KCNMA1: variants seen among roughly 807,000 people sequenced by gnomAD.
The protein encoded by KCNMA1 is potassium calcium-activated channel subfamily M alpha 1.
A neutral mutation model predicts 140.0 loss-of-function variants in KCNMA1; 29 were observed. The ratio of observed to expected loss-of-function variants is 0.21; its 90% CI spans 0.15 to 0.28. The LOEUF (loss-of-function observed/expected upper bound fraction) is 0.28. Among genes scored for constraint, KCNMA1 ranks in the 10% least tolerant of loss-of-function variants. KCNMA1 has a pLI of 1.00. For missense variants in KCNMA1, 880 were observed against 1,602.2 expected, an observed-to-expected ratio of 0.55 and a Z score of 7.70; for synonymous variants, 612 against 611.9, an observed-to-expected ratio of 1.00 and a Z score of 0.00.
At chr10:76,990,316 T>G (rs3781153) in intron 19 of KCNMA1, among the ~76,000 whole-genome samples, 92,639 of 152,062 alleles carry the variant, frequency 0.61, 28,641 homozygotes, top group African/African-American at 0.66. Flanking sequence ...TCCAGAAAAT[T>G]CACAGATCTC....
intron 5 of KCNMA1, among the ~76,000 whole-genome samples, chr10:77,158,147 G>T (rs2098509841): frequency 1.3e-5 from 2 of 152,208 alleles, no homozygotes; most frequent in Non-Finnish European, 2.9e-5. Flanking sequence ...AACACTTTTA[G>T]GGAGAAGGAA....
intron 19 of KCNMA1, among the ~76,000 whole-genome samples, chr10:76,979,217 A>G (rs2078642836): frequency 7.2e-5 from 11 of 152,202 alleles, no homozygotes; most frequent in Admixed American, 7.2e-4. Flanking sequence ...CCTTGCAACA[A>G]ACACTTCCTC....
chr10:77,572,603 T>TATATATATATATATATATATATATAA (rs1491270036), intron 1 of KCNMA1, among the ~76,000 whole-genome samples: 3 of 98,666 alleles, frequency 3.0e-5, no homozygotes, highest in Non-Finnish European at 6.2e-5. Context: ...TATATATATA[T>TATATATATATATATATATATATATAA]AAATTAGCTG....
At position 77,462,534 on chromosome 10, in the gene KCNMA1, C is replaced by T. The variant is rs1309931204; in HGVS notation, c.379-58511G>A. On this transcript the variant is annotated intron_variant, in intron 1 of 27. Coordinates refer to ENST00000286628, the MANE Select transcript of KCNMA1 (RefSeq NM_001161352.2). ...ATGTGCTCACAGAGACCCTTATATA[C>T]CTATGCACACATGGATAAACACACA... Among the ~76,000 whole-genome samples the T allele has an allele frequency of 2.0e-5, 3 of 152,172 alleles. No homozygotes were observed. In the East Asian group the frequency reaches 5.8e-4, roughly 29 times the overall value.
intron 13 of KCNMA1, among the ~76,000 whole-genome samples, chr10:77,078,896 C>T (rs1394880848): frequency 6.6e-6 from 1 of 152,160 alleles, no homozygotes; most frequent in Non-Finnish European, 1.5e-5. Context: ...CCTCGGGTTC[C>T]AATAGACACT....
At chr10:76,898,768 C>T (rs2043743636) in intron 25 of KCNMA1, among the ~76,000 whole-genome samples, 1 of 151,362 alleles carries the variant, frequency 6.6e-6, no homozygotes, top group South Asian at 2.1e-4. Context: ...GAGGCCAATG[C>T]TATAGAGACA....
intron 24 of KCNMA1, chr10:76,912,164 C>T (rs185126652): frequency 6.6e-6 from 1 of 152,322 alleles, no homozygotes; most frequent in East Asian, 1.9e-4. Flanking sequence ...TTTCACAGAA[C>T]AGTAATTATG....
At chr10:77,515,022 C>T (rs906861555) in intron 1 of KCNMA1, among the ~76,000 whole-genome samples, 6 of 152,162 alleles carry the variant, frequency 3.9e-5, no homozygotes, top group Admixed American at 3.9e-4. Flanking sequence ...AGGGCTCTCA[C>T]CCGCTAGCTC....
downstream of KCNMA1, chr10:76,875,419 T>TA (rs2032197274): frequency 6.6e-6 from 1 of 151,972 alleles, no homozygotes; most frequent in Non-Finnish European, 1.5e-5. Context: ...ATGATTTTTT[T>TA]TAAAAAAAGT....
chr10:77,579,897 A>G (rs532431087), intron 1 of KCNMA1, among the ~76,000 whole-genome samples: 15 of 152,334 alleles, frequency 9.8e-5, no homozygotes, highest in African/African-American at 3.4e-4. Context: ...TGTTTCTTCC[A>G]TGAACAGCAA....
chr10:77,567,443 C>T (rs2068761759), intron 1 of KCNMA1, among the ~76,000 whole-genome samples: 1 of 152,188 alleles, frequency 6.6e-6, no homozygotes, highest in Admixed American at 6.5e-5. Context: ...AACTCTTGAG[C>T]AAATCCTAGC....
chr10:77,273,290 A>G (rs765230362), intron 2 of KCNMA1, among the ~76,000 whole-genome samples: 1 of 152,232 alleles, frequency 6.6e-6, no homozygotes, highest in Non-Finnish European at 1.5e-5. Context: ...ACAGGCAAAT[A>G]CAAGTTCAAT....
chr10:76,965,670 T>G (rs1191417096), intron 20 of KCNMA1, among the ~76,000 whole-genome samples: 1 of 152,180 alleles, frequency 6.6e-6, no homozygotes, highest in Non-Finnish European at 1.5e-5. Context: ...TCCCTATGTC[T>G]TCCATCATCC....
At chr10:77,284,774 A>G (rs509722) in intron 2 of KCNMA1, among the ~76,000 whole-genome samples, 71,155 of 151,944 alleles carry the variant, frequency 0.47, 17,997 homozygotes, top group Non-Finnish European at 0.57. Context: ...TTGGCCTCCC[A>G]AAGTGCTAGG....
At chr10:77,325,954 C>T (rs1395867176) in intron 2 of KCNMA1, among the ~76,000 whole-genome samples, 1 of 152,128 alleles carries the variant, frequency 6.6e-6, no homozygotes, top group African/African-American at 2.4e-5. Context: ...TTTGAGTTTA[C>T]CCTTTGCCCA....
At chr10:77,498,976 C>T (rs1039833369) in intron 1 of KCNMA1, 1 of 152,160 alleles carries the variant, frequency 6.6e-6, no homozygotes, top group African/African-American at 2.4e-5. Flanking sequence ...CATGCGTTTC[C>T]CCAATCTATA....
At chr10:77,341,257 A>G (rs2090854218) in intron 2 of KCNMA1, among the ~76,000 whole-genome samples, 1 of 152,258 alleles carries the variant, frequency 6.6e-6, no homozygotes, top group South Asian at 2.1e-4. Flanking sequence ...TGCCTGGCAC[A>G]TACTGTCTTC....
intron 23 of KCNMA1, among the ~76,000 whole-genome samples, chr10:76,931,746 G>A (rs960578874): frequency 2.6e-5 from 4 of 152,132 alleles, no homozygotes; most frequent in African/African-American, 9.7e-5. Flanking sequence ...GTCTATGGAG[G>A]GGAAGCGCCC....
chr10:77,258,764 A>C (rs1366191428), intron 2 of KCNMA1, among the ~76,000 whole-genome samples: 1 of 152,082 alleles, frequency 6.6e-6, no homozygotes, highest in South Asian at 2.1e-4. Flanking sequence ...GGAGCTCAAG[A>C]CCAGCCTGGC....
Sources: gnomAD v4.1 joint callset for allele counts (sites outside exome capture counted in the v4.1 genomes callset) on GRCh38, gnomAD v4.1.1 for gene constraint, MANE v1.5 for transcripts, NCBI Gene and HGNC (gene_info 2026-07-23, HGNC 2026-07-21) for gene names.